PTPN2: variants seen among roughly 807,000 people sequenced by gnomAD.
PTPN2 encodes tyrosine-protein phosphatase non-receptor type 2.
Under a neutral mutation model 57.3 loss-of-function variants are expected in PTPN2, and 19 were observed. The observed-to-expected ratio is 0.33, with a 90% CI of 0.23 to 0.49. The LOEUF (loss-of-function observed/expected upper bound fraction) is 0.49, where lower values mean the gene tolerates loss of function less well. PTPN2 is among the 20% of genes least tolerant of loss of function. The probability of loss-of-function intolerance (pLI) is 0.99; values close to 1 mark genes in which losing one functional copy is unlikely to be tolerated. For missense variants in PTPN2, 358 were observed against 501.1 expected (o/e 0.71, Z 2.73); for synonymous variants, 153 against 164.9 (o/e 0.93, Z 0.55).
At chr18:12,846,201 T>C (rs913370273) in intron 2 of PTPN2, among the ~76,000 whole-genome samples, 16 of 152,214 alleles carry the variant, frequency 1.1e-4, no homozygotes, top group Non-Finnish European at 1.6e-4. Flanking sequence ...TGACCACATA[T>C]TTAAGGCTGG....
chr18:12,841,075 T>A, intron 2 of PTPN2: 2 of 1,119,790 alleles, frequency 1.8e-6, no homozygotes, highest in Non-Finnish European at 2.4e-6. Flanking sequence ...GAAATTATAT[T>A]AAGCCGTGAC....
Position 12,852,783 on chromosome 18 carries a change from G to A in PTPN2, c.160+6381C>T, listed in dbSNP as rs115944761. On this transcript the variant is annotated intron_variant, in intron 2 of 8. Coordinates refer to ENST00000309660, the MANE Select transcript of PTPN2 (RefSeq NM_002828.4). Reference sequence around the variant, plus strand: ...TCAGTCTGAGGAGTGGTGCCATAGTGAGTGTAAAAGAATCATGTTAAGATT... The same window carrying A: ...TCAGTCTGAGGAGTGGTGCCATAGTAAGTGTAAAAGAATCATGTTAAGATT... Among the ~76,000 whole-genome samples, 650 of 152,304 alleles carry A rather than the reference G, an allele frequency of 4.3e-3. 3 individuals are homozygous for A. The highest frequency in any genetic ancestry group is 0.015 in the African/African-American group (624 of 41,562).
intron 3 of PTPN2, among the ~76,000 whole-genome samples, chr18:12,834,332 A>AT (rs1338654287): frequency 6.6e-6 from 1 of 151,444 alleles, no homozygotes; most frequent in Non-Finnish European, 1.5e-5. Context: ...ATCTCAAAAA[A>AT]AAAAAAAAAG....
chr18:12,845,452 AAAC>A (rs2043178638), intron 2 of PTPN2, among the ~76,000 whole-genome samples: 1 of 152,202 alleles, frequency 6.6e-6, no homozygotes, highest in South Asian at 2.1e-4. Flanking sequence ...GAGCAACTGT[AAAC>A]AACAATGTGT....
intron 7 of PTPN2, among the ~76,000 whole-genome samples, chr18:12,807,552 G>A (rs1021715941): frequency 1.4e-5 from 1 of 71,152 alleles, no homozygotes; most frequent in Non-Finnish European, 3.0e-5. Context: ...ATGAATGGAG[G>A]GAGAAAGAAA....
chr18:12,834,158 C>G (rs2042766840), intron 3 of PTPN2, among the ~76,000 whole-genome samples: 1 of 152,042 alleles, frequency 6.6e-6, no homozygotes, highest in Admixed American at 6.6e-5. Flanking sequence ...GAAACCTTGT[C>G]TCTACTAAAA....
chr18:12,850,987 A>G (rs965786767), intron 2 of PTPN2, among the ~76,000 whole-genome samples: 7 of 151,988 alleles, frequency 4.6e-5, no homozygotes, highest in Non-Finnish European at 8.8e-5. Context: ...TGATCCACCC[A>G]CCTAGGCCTC....
chr18:12,805,372 G>C (rs568881036), intron 7 of PTPN2, among the ~76,000 whole-genome samples: 1 of 151,486 alleles, frequency 6.6e-6, no homozygotes, highest in East Asian at 2.0e-4. Flanking sequence ...CATGAGAATC[G>C]CTTGAACCCA....
At chr18:12,786,723 C>A (rs1224848530) in intron 9 of PTPN2, 1 of 152,182 alleles carries the variant, frequency 6.6e-6, no homozygotes, top group African/African-American at 2.4e-5. Context: ...CAAATCATAT[C>A]CACACATTTA....
At position 12,793,534 on chromosome 18, in the gene PTPN2, TTTTG is replaced by T. The variant is rs1323690490; in HGVS notation, c.*740_*743del. 7.1e-6 allele frequency: 7 copies of T among 980,732 alleles called. No homozygotes were observed. Among genetic ancestry groups the T allele is most frequent in the East Asian group, 2.2e-4 (2 of 8,932 alleles). The allele number at this position is 980,732 out of a possible 1,614,324, so 60.8% of individuals were successfully genotyped here. A position where few individuals can be genotyped will look rare whatever the true frequency, so the allele number is the denominator to read the frequency against. ...CTTCAAAGATATTTTTAGGAAAAACTTTTGTTTCTTTGTTTGCTTTTCTTTTTAA... is the reference window on the plus strand; with the variant it reads ...CTTCAAAGATATTTTTAGGAAAAACTTTTCTTTGTTTGCTTTTCTTTTTAA... On this transcript the variant is annotated 3_prime_UTR_variant, in exon 9 of 9. Coordinates refer to ENST00000309660, the MANE Select transcript of PTPN2 (RefSeq NM_002828.4).
At chr18:12,808,578 A>C (rs544033567) in intron 7 of PTPN2, among the ~76,000 whole-genome samples, 1 of 152,316 alleles carries the variant, frequency 6.6e-6, no homozygotes, top group East Asian at 1.9e-4. Context: ...CAGGAGATCG[A>C]GACCATCCTA....
chr18:12,821,436 A>G (rs2042265375), intron 5 of PTPN2: 1 of 152,208 alleles, frequency 6.6e-6, no homozygotes, highest in Admixed American at 6.5e-5. Flanking sequence ...CTAAAGAGTG[A>G]CAAAGTTTGT....
At position 12,817,716 on chromosome 18, in the gene PTPN2, G is replaced by A; in HGVS notation, c.496-351C>T. Among the ~76,000 whole-genome samples, 2 of 152,206 alleles carry A rather than the reference G, an allele frequency of 1.3e-5. 1 individual carries two copies. The highest frequency in any genetic ancestry group is 3.8e-4 in the East Asian group (2 of 5,204). On this transcript the variant is annotated intron_variant, in intron 5 of 8. Coordinates refer to ENST00000309660, the MANE Select transcript of PTPN2 (RefSeq NM_002828.4). ...ATAGTTTGCCCAAGGTCACACAGCT[G>A]GAACATGGCAGAACCAGGATTTGAA... is the stretch of plus-strand genomic sequence containing the variant.
rs1391133301 is a variant in PTPN2 at position 12,820,764 on chromosome 18, T to G, written c.496-3399A>C. Among the ~76,000 whole-genome samples the G allele has an allele frequency of 4.6e-5, 7 of 152,348 alleles. No homozygotes were observed. In the South Asian group the frequency reaches 1.2e-3, roughly 27 times the overall value. The stretch of plus-strand genomic sequence containing the variant: ...TCCCTGTCTGCAGCCGTTCCACACA[T>G]GCCTGCCAAGTTTTCTGTGTAAAAC... On this transcript the variant is annotated intron_variant, in intron 5 of 8. Transcript: ENST00000309660.
intron 6 of PTPN2, among the ~76,000 whole-genome samples, chr18:12,816,830 T>C (rs1045873398): frequency 3.3e-5 from 5 of 152,164 alleles, no homozygotes; most frequent in Non-Finnish European, 7.3e-5. Context: ...AGTATCTGTC[T>C]GAGGAGGAAG....
At chr18:12,823,660 A>G (rs902990905) in intron 5 of PTPN2, among the ~76,000 whole-genome samples, 5 of 152,098 alleles carry the variant, frequency 3.3e-5, no homozygotes, top group African/African-American at 1.2e-4. Context: ...GGGCAACAGA[A>G]TGAGACTTTG....
intron 2 of PTPN2, among the ~76,000 whole-genome samples, chr18:12,850,141 ATTCTC>A (rs1335588271): frequency 3.3e-5 from 5 of 150,448 alleles, no homozygotes; most frequent in African/African-American, 9.8e-5. Context: ...TTTTTTTCTC[ATTCTC>A]TTATTTTTAC....
At chr18:12,785,942 T>C (rs75499491) in intron 9 of PTPN2, 7 of 1,055,514 alleles carry the variant, frequency 6.6e-6, no homozygotes, top group Non-Finnish European at 1.0e-5. Context: ...AACAATGAAC[T>C]GAAAAGGTGA....
intron 6 of PTPN2, 152 bp from the exon 7 acceptor site, chr18:12,814,507 A>G: frequency 1.6e-6 from 1 of 636,506 alleles, no homozygotes; most frequent in Non-Finnish European, 2.6e-6. Context: ...TTATGTACAC[A>G]ACAACTATCC....
Sources: gnomAD v4.1 joint callset for allele counts (sites outside exome capture counted in the v4.1 genomes callset) on GRCh38, gnomAD v4.1.1 for gene constraint, MANE v1.5 for transcripts, NCBI Gene and HGNC (gene_info 2026-07-23, HGNC 2026-07-21) for gene names.